Variants in PHF20 observed in about 807,000 individuals in gnomAD.
PHF20 encodes the protein PHD finger protein 20, also known as glioma-expressed antigen 2.
PHF20 carries 23 observed loss-of-function variants against 113.5 expected under a neutral mutation model. The ratio of observed to expected loss-of-function variants is 0.20; its 90% CI spans 0.15 to 0.29. The LOEUF is 0.29. Among genes scored for constraint, PHF20 ranks in the 10% least tolerant of loss-of-function variants. PHF20 has a pLI of 1.00. For synonymous variants in PHF20, 434 were observed against 457.3 expected (o/e 0.95, Z 0.65); for missense variants, 943 against 1,219.6 (o/e 0.77, Z 3.38).
In PHF20 at chr20:35,779,704, AGAGATG is replaced by A. The variant is rs1337281574; in HGVS notation, c.-33+7629_-33+7634del. ...CTGGGTAATTTTTTGTATTTTTAGT[AGAGATG>A]GAGTTTCACCATGTTCGCCAGGCTA... On this transcript the variant is annotated intron_variant, in intron 1 of 17. Coordinates refer to ENST00000374012, the MANE Select transcript of PHF20 (RefSeq NM_016436.5). 5.3e-5 allele frequency among the ~76,000 whole-genome samples: 8 copies of A among 152,008 alleles called. No individual in the cohort carries two copies. The East Asian group carries it at 1.6e-3, about 29-fold the overall frequency.
intron 9 of PHF20, among the ~76,000 whole-genome samples, chr20:35,897,559 CTTTTTTTTTTT>C (rs150122625): frequency 4.6e-5 from 5 of 107,684 alleles, no homozygotes; most frequent in South Asian, 3.5e-4. Context: ...TTCTGGATCC[CTTTTTTTTTTT>C]TTTTTTTTTT....
intron 15 of PHF20, among the ~76,000 whole-genome samples, chr20:35,931,812 G>A (rs189356312): frequency 7.4e-4 from 113 of 151,946 alleles, no homozygotes; most frequent in African/African-American, 2.6e-3. Context: ...TTAGCTAGGC[G>A]TGCTGGTGTG....
intron 9 of PHF20, among the ~76,000 whole-genome samples, chr20:35,893,245 A>G (rs1387476472): frequency 6.6e-6 from 1 of 151,848 alleles, no homozygotes; most frequent in Non-Finnish European, 1.5e-5. Flanking sequence ...GGTTTACTAG[A>G]TTGGCAGATT....
intron 15 of PHF20, among the ~76,000 whole-genome samples, chr20:35,935,260 C>T (rs980363449): frequency 1.6e-4 from 25 of 152,258 alleles, no homozygotes; most frequent in African/African-American, 5.5e-4. Context: ...GGACTATAGG[C>T]GCCTGCATTT....
intron 2 of PHF20, among the ~76,000 whole-genome samples, chr20:35,827,752 C>T (rs1249227892): frequency 3.4e-5 from 5 of 148,234 alleles, no homozygotes; most frequent in Non-Finnish European, 3.0e-5. Flanking sequence ...CACTGCGCTC[C>T]AGCCTGGGCA....
At chr20:35,804,748 A>T (rs1432363108) in intron 2 of PHF20, among the ~76,000 whole-genome samples, 1 of 151,994 alleles carries the variant, frequency 6.6e-6, no homozygotes. Context: ...CCTGAGACAC[A>T]GTGCTGTGTG....
intron 15 of PHF20, among the ~76,000 whole-genome samples, chr20:35,937,479 A>AG (rs1555803776): frequency 6.6e-6 from 1 of 152,080 alleles, no homozygotes; most frequent in African/African-American, 2.4e-5. Context: ...AAAAAAAAAA[A>AG]AAAGAAAGAA....
chr20:35,826,240 C>T (rs1266780040), intron 2 of PHF20, among the ~76,000 whole-genome samples: 5 of 152,132 alleles, frequency 3.3e-5, no homozygotes, highest in Admixed American at 6.6e-5. Flanking sequence ...GATGGGGTTT[C>T]GCCATGTTGG....
intron 2 of PHF20, among the ~76,000 whole-genome samples, chr20:35,839,248 G>A (rs534815424): frequency 4.6e-5 from 7 of 151,878 alleles, no homozygotes; most frequent in Admixed American, 2.0e-4. Flanking sequence ...AAAATTAGCC[G>A]GGCGTGGTGG....
intron 14 of PHF20, among the ~76,000 whole-genome samples, chr20:35,930,891 G>A (rs76076398): frequency 0.015 from 2,260 of 152,302 alleles, 18 homozygotes; most frequent in Non-Finnish European, 0.023. Context: ...GTAAGCCAGA[G>A]TTAGAGAGTT....
At chr20:35,806,655 T>C (rs1270215919) in intron 2 of PHF20, among the ~76,000 whole-genome samples, 1 of 152,186 alleles carries the variant, frequency 6.6e-6, no homozygotes, top group Non-Finnish European at 1.5e-5. Flanking sequence ...TTCTCAGATC[T>C]TTAGTCTATT....
chr20:35,775,105 A>G (rs953562023), intron 1 of PHF20: 15 of 152,140 alleles, frequency 9.9e-5, no homozygotes, highest in African/African-American at 3.4e-4. Context: ...TTATCTGTGT[A>G]CTGCCGTACA....
At chr20:35,891,779 A>G (rs1437839345) in intron 9 of PHF20, among the ~76,000 whole-genome samples, 2 of 152,158 alleles carry the variant, frequency 1.3e-5, no homozygotes, top group African/African-American at 4.8e-5. Context: ...AAATAGTCCA[A>G]TTTGCAAAAC....
At chr20:35,888,424 T>C (rs2054779276) in intron 9 of PHF20, among the ~76,000 whole-genome samples, 1 of 152,184 alleles carries the variant, frequency 6.6e-6, no homozygotes, top group Non-Finnish European at 1.5e-5. Context: ...CTCTGTGCTT[T>C]TTCTTGATTC....
In PHF20 at chr20:35,917,106, C is replaced by T. The variant is rs958710710; in HGVS notation, c.1826-378C>T. 2.8e-5 allele frequency: 10 copies of T among 363,600 alleles called. 1 individual carries two copies. The highest frequency in any genetic ancestry group is 1.9e-4 in the Admixed American group (5 of 26,644). 22.5% of individuals were successfully genotyped at this position (363,600 alleles called of 1,614,324 possible). A position where few individuals can be genotyped will look rare whatever the true frequency, so the allele number is the denominator to read the frequency against. ...AAAGGTAGCTCTGGATACAGACAGA[C>T]TGTAAGCCAGGTCCTGACTGGATGG... On this transcript the variant is annotated intron_variant, in intron 12 of 17. Transcript: ENST00000374012.
chr20:35,796,128 G>A (rs1403210282), intron 1 of PHF20, among the ~76,000 whole-genome samples: 1 of 152,174 alleles, frequency 6.6e-6, no homozygotes, highest in Non-Finnish European at 1.5e-5. Flanking sequence ...GGGATTGCAG[G>A]CGTGAGCCAC....
At chr20:35,841,340 CTCAATCAA>C (rs541549453) in intron 2 of PHF20, among the ~76,000 whole-genome samples, 1 of 151,768 alleles carries the variant, frequency 6.6e-6, no homozygotes, top group Non-Finnish European at 1.5e-5. Flanking sequence ...GAGACCCTGT[CTCAATCAA>C]TCAATCAATC....
At chr20:35,923,883 C>T (rs994430150) in intron 13 of PHF20, among the ~76,000 whole-genome samples, 4 of 152,148 alleles carry the variant, frequency 2.6e-5, no homozygotes, top group Non-Finnish European at 5.9e-5. Flanking sequence ...TTCTAAGTAG[C>T]TGAGACTACA....
chr20:35,870,939 C>T lies in PHF20; in HGVS notation c.923-16C>T, dbSNP rs769609625. The stretch of plus-strand genomic sequence containing the variant: ...TTGTTGGTCTCTTGACTACAACTCT[C>T]TTAATGGTTTAATAGCCCAGGAAAA... On this transcript the variant is annotated splice_polypyrimidine_tract_variant and intron_variant, in intron 7 of 17. Transcript: ENST00000374012. 5 of 1,573,124 alleles carry T rather than the reference C, an allele frequency of 3.2e-6. No individual in the cohort carries two copies. The highest frequency in any genetic ancestry group is 4.3e-6 in the Non-Finnish European group (5 of 1,165,612).
Sources: gnomAD v4.1 joint callset for allele counts (sites outside exome capture counted in the v4.1 genomes callset) on GRCh38, gnomAD v4.1.1 for gene constraint, MANE v1.5 for transcripts, NCBI Gene and HGNC (gene_info 2026-07-23, HGNC 2026-07-21) for gene names.